Variants in IQGAP2 observed in about 807,000 individuals in gnomAD.
IQGAP2 encodes the protein ras GTPase-activating-like protein IQGAP2.
Under a neutral mutation model 201.3 loss-of-function variants are expected in IQGAP2, and 173 were observed. The ratio of observed to expected loss-of-function variants is 0.86; its 90% CI spans 0.76 to 0.98. The LOEUF (loss-of-function observed/expected upper bound fraction) is 0.98, where lower values mean the gene tolerates loss of function less well. IQGAP2 is among the 50% of genes least tolerant of loss of function. The pLI is 0.00. For synonymous variants in IQGAP2, 675 were observed against 673.9 expected (o/e 1.00, Z -0.03); for missense variants, 1,687 against 1,864.8 (o/e 0.90, Z 1.76).
intron 1 of IQGAP2, among the ~76,000 whole-genome samples, chr5:76,417,029 G>A (rs919450194): frequency 5.3e-5 from 8 of 151,718 alleles, no homozygotes; most frequent in African/African-American, 1.9e-4. Flanking sequence ...AAACAGTCTT[G>A]CCATGTTGCC....
At chr5:76,634,153 C>A (rs572370951) in intron 15 of IQGAP2, among the ~76,000 whole-genome samples, 1 of 152,260 alleles carries the variant, frequency 6.6e-6, no homozygotes, top group Non-Finnish European at 1.5e-5. Context: ...TCACTGAAAT[C>A]CAGCCACACA....
rs1749926914 is a variant in IQGAP2 at position 76,623,515 on chromosome 5, C to T, written c.1522-3895C>T. 7.6e-6 allele frequency: 3 copies of T among 395,554 alleles called. No individual in the cohort carries two copies. In the Admixed American group the frequency reaches 1.2e-4, roughly 16 times the overall value. The allele number at this position is 395,554 out of a possible 1,614,324, so 24.5% of individuals were successfully genotyped here. ...TCTTACCCACCCCCAACAATCTATT[C>T]TGAATAGGTGCTGTAATTCTCCCCT... On this transcript the variant is annotated intron_variant, in intron 13 of 35. Coordinates refer to ENST00000274364, the MANE Select transcript of IQGAP2 (RefSeq NM_006633.5).
Position 76,511,066 on chromosome 5 carries a change from A to C in IQGAP2, c.146+49397A>C, listed in dbSNP as rs376664644. Among the ~76,000 whole-genome samples the C allele has an allele frequency of 8.1e-4, 123 of 152,356 alleles. 1 individual carries two copies. In the South Asian group the frequency reaches 0.025, roughly 32 times the overall value. ...CAGAGCCACATGCTGCTGGCTCCAC[A>C]TTCCCAGGAACAAGGATCCTACTGC... On this transcript the variant is annotated intron_variant, in intron 2 of 35. Coordinates refer to ENST00000274364, the MANE Select transcript of IQGAP2 (RefSeq NM_006633.5).
intron 13 of IQGAP2, among the ~76,000 whole-genome samples, chr5:76,619,394 T>C (rs2069677): frequency 2.6e-5 from 4 of 152,250 alleles, no homozygotes; most frequent in African/African-American, 9.6e-5. Flanking sequence ...GGAATGACCA[T>C]TGTGTTAGGC....
rs1435021426 is a variant in IQGAP2, at chr5:76,641,560, G to A, written c.2094+457G>A. Among the ~76,000 whole-genome samples the A allele has an allele frequency of 3.9e-5, 6 of 152,178 alleles. No homozygotes were observed. In the East Asian group the frequency reaches 1.2e-3, roughly 29 times the overall value. Reference sequence around the variant, plus strand: ...GAATGTCTTCTACCTTCTGTAATCTGTCACTCTTCATTTAGGCCTTCAGGA... The same window carrying A: ...GAATGTCTTCTACCTTCTGTAATCTATCACTCTTCATTTAGGCCTTCAGGA... On this transcript the variant is annotated intron_variant, in intron 17 of 35. Transcript: ENST00000274364.
At chr5:76,638,584 T>C (rs1751329872) in intron 16 of IQGAP2, among the ~76,000 whole-genome samples, 2 of 152,114 alleles carry the variant, frequency 1.3e-5, no homozygotes, top group South Asian at 4.1e-4. Flanking sequence ...CAAAAAAAGA[T>C]AACAAGAGCA....
At chr5:76,543,565 A>G (rs956583609) in intron 2 of IQGAP2, among the ~76,000 whole-genome samples, 4 of 152,116 alleles carry the variant, frequency 2.6e-5, no homozygotes, top group Non-Finnish European at 4.4e-5. Flanking sequence ...GTCAGTACCA[A>G]TGATTTGTGC....
chr5:76,493,062 G>A (rs1021990022), intron 2 of IQGAP2, among the ~76,000 whole-genome samples: 6 of 152,172 alleles, frequency 3.9e-5, no homozygotes, highest in South Asian at 2.1e-4. Context: ...TCACTTAACC[G>A]GACATCTCCC....
chr5:76,631,827 A>T, intron 14 of IQGAP2, 32 bp from the exon 15 acceptor site: 3 of 1,512,206 alleles, frequency 2.0e-6, no homozygotes, highest in Non-Finnish European at 2.7e-6. Context: ...GAAGATAACC[A>T]TTAACAAGAA....
At position 76,636,874 on chromosome 5, in the gene IQGAP2, A is replaced by C. The variant is rs184429363; in HGVS notation, c.1781-160A>C. Among the ~76,000 whole-genome samples the C allele has an allele frequency of 3.3e-3, 501 of 152,366 alleles. 9 individuals carry two copies. Among genetic ancestry groups the C allele is most frequent in the Non-Finnish European group, 1.2e-3 (81 of 68,036 alleles). ...GGTTAGCAGGCATCTGCCATTAAAT[A>C]CATCGAATTCATTCCATGTTAGTGG... On this transcript the variant is annotated intron_variant, in intron 15 of 35. Transcript: ENST00000274364.
At chr5:76,473,084 G>A (rs934558834) in intron 2 of IQGAP2, among the ~76,000 whole-genome samples, 10 of 152,362 alleles carry the variant, frequency 6.6e-5, no homozygotes, top group Non-Finnish European at 1.2e-4. Flanking sequence ...GACAGCAACA[G>A]TATTACAACC....
At chr5:76,417,278 T>C (rs1333643824) in intron 1 of IQGAP2, among the ~76,000 whole-genome samples, 2 of 152,042 alleles carry the variant, frequency 1.3e-5, no homozygotes, top group African/African-American at 2.4e-5. Context: ...TTGTGACATA[T>C]GTTTTAAAAT....
intron 13 of IQGAP2, among the ~76,000 whole-genome samples, chr5:76,614,342 G>C (rs1361307668): frequency 6.6e-6 from 1 of 152,126 alleles, no homozygotes; most frequent in East Asian, 1.9e-4. Flanking sequence ...TAGGGATCTG[G>C]GTTCTAGTTC....
Position 76,673,955 on chromosome 5 carries a change from TG to T in IQGAP2, c.3215del (p.Gly1072AspfsTer2). The T allele has an allele frequency of 6.4e-7, 1 of 1,560,376 alleles. No homozygotes were observed. The highest frequency in any genetic ancestry group is 8.8e-7 in the Non-Finnish European group (1 of 1,131,846). ...IISSLDLLPYGLRYIAKVLKN... is the reference protein window; with the variant it reads ...IISSLDLLPYXLRYIAKVLKN... ...TTGTCATCTGTTTTATATGTAGTTA[TG>T]GATTGAGGTATATAGCCAAAGTACT... On this transcript the variant is annotated frameshift_variant, in exon 26 of 36. Transcript: ENST00000274364. LOFTEE classifies it high-confidence loss of function.
At chr5:76,644,917 G>A (rs1751912551) in intron 17 of IQGAP2, among the ~76,000 whole-genome samples, 1 of 152,126 alleles carries the variant, frequency 6.6e-6, no homozygotes, top group Non-Finnish European at 1.5e-5. Context: ...TGTTACATAG[G>A]TATACACGTG....
At chr5:76,442,336 C>A (rs1181188105) in intron 1 of IQGAP2, among the ~76,000 whole-genome samples, 1 of 152,318 alleles carries the variant, frequency 6.6e-6, no homozygotes, top group Non-Finnish European at 1.5e-5. Flanking sequence ...AGTCTGATCT[C>A]ATTTCCTTGA....
intron 1 of IQGAP2, among the ~76,000 whole-genome samples, chr5:76,432,864 G>A (rs1372342204): frequency 1.3e-5 from 2 of 152,212 alleles, no homozygotes; most frequent in Non-Finnish European, 2.9e-5. Flanking sequence ...GCCCTGGGAG[G>A]CAGACCATTA....
At position 76,604,301 on chromosome 5, in the gene IQGAP2, C is replaced by T. The variant is rs183652821; in HGVS notation, c.1233-1878C>T. Among the ~76,000 whole-genome samples, 11 of 134,810 alleles carry T rather than the reference C, an allele frequency of 8.2e-5. No homozygotes were observed. The East Asian group carries it at 1.6e-3, about 19-fold the overall frequency. 88.4% of individuals were successfully genotyped at this position (134,810 alleles called of 152,430 possible). On this transcript the variant is annotated intron_variant, in intron 11 of 35. Coordinates refer to ENST00000274364, the MANE Select transcript of IQGAP2 (RefSeq NM_006633.5). ...GCTTCATCCATGTCCCTGCAAAGGA[C>T]ATGAACTCATCCTTTTTTTTTATGG...
intron 3 of IQGAP2, among the ~76,000 whole-genome samples, chr5:76,563,966 C>T (rs1439781840): frequency 6.7e-6 from 1 of 149,298 alleles, no homozygotes; most frequent in Admixed American, 6.6e-5. Context: ...GATTACTTGT[C>T]AAATTTATTT....
Sources: gnomAD v4.1 joint callset for allele counts (sites outside exome capture counted in the v4.1 genomes callset) on GRCh38, gnomAD v4.1.1 for gene constraint, MANE v1.5 for transcripts, NCBI Gene and HGNC (gene_info 2026-07-23, HGNC 2026-07-21) for gene names.